NOTUM: variants seen among roughly 807,000 people sequenced by gnomAD.
NOTUM encodes palmitoleoyl-protein carboxylesterase NOTUM.
Under a neutral mutation model 65.5 loss-of-function variants are expected in NOTUM, and 36 were observed. That is an observed-to-expected ratio of 0.55 (90% CI 0.42 to 0.73). NOTUM has a LOEUF of 0.73. Ranked by LOEUF, NOTUM falls within the 30% of genes least tolerant of loss-of-function variation. The probability of loss-of-function intolerance (pLI) is 0.00; values close to 1 mark genes in which losing one functional copy is unlikely to be tolerated. For synonymous variants in NOTUM, 356 were observed against 297.9 expected (o/e 1.20, Z -2.01); for missense variants, 659 against 694.2 (o/e 0.95, Z 0.57).
Position 81,958,413 on chromosome 17 carries a change from G to A in NOTUM, c.534-20C>T, listed in dbSNP as rs1298766638. The A allele has an allele frequency of 1.9e-6, 3 of 1,592,768 alleles. No homozygotes were observed. The highest frequency in any genetic ancestry group is 2.6e-6 in the Non-Finnish European group (3 of 1,163,240). ...ATGAAGCTGCAACACAGAACAGAGT[G>A]AGCCTGTCACAGCGCCTGCCGCCCG... On this transcript the variant is annotated intron_variant, in intron 4 of 10. Transcript: ENST00000409678.
rs2041396971 is a variant in NOTUM, at chr17:81,952,811, G to A, written c.*150C>T. 3 of 679,692 alleles carry A rather than the reference G, an allele frequency of 4.4e-6. No individual in the cohort carries two copies. The highest frequency in any genetic ancestry group is 5.1e-5 in the East Asian group (2 of 39,134). 42.1% of individuals were successfully genotyped at this position (679,692 alleles called of 1,614,324 possible). ...GTGGGAGAGGGGCAGGGAAAGCCGG[G>A]GCAGGAGGGCAGTGGGCAGACCCAG... On this transcript the variant is annotated 3_prime_UTR_variant, in exon 11 of 11. Transcript: ENST00000409678.
intron 9 of NOTUM, among the ~76,000 whole-genome samples, chr17:81,954,678 G>A (rs2041414718): frequency 6.6e-6 from 1 of 152,156 alleles, no homozygotes; most frequent in Non-Finnish European, 1.5e-5. Context: ...GCCTCCCACA[G>A]GCAAGGTTAG....
At chr17:81,959,936 G>A (rs2041461621) in intron 1 of NOTUM, 2 of 178,144 alleles carry the variant, frequency 1.1e-5, no homozygotes, top group East Asian at 1.6e-4. Context: ...CGTTCCGCCC[G>A]GCGCGGGTCC....
chr17:81,953,997 C>G (rs906079103), intron 10 of NOTUM, among the ~76,000 whole-genome samples: 1 of 151,788 alleles, frequency 6.6e-6, no homozygotes, highest in African/African-American at 2.4e-5. Flanking sequence ...AGGCTGGTGT[C>G]GAACTCCTGA....
chr17:81,955,519 C>T lies in NOTUM; in HGVS notation c.1014G>A (p.Leu338=). 6.2e-7 allele frequency: 1 copy of T among 1,611,566 alleles called. No homozygotes were observed. Among genetic ancestry groups the T allele is most frequent in the Non-Finnish European group, 8.5e-7 (1 of 1,179,400 alleles). ...LRCPVFVVQW[L]FDEAQLTVDN... ...CCACCGTCAGCTGTGCCTCGTCAAACAGCCACTGCACCACGAACACAGGGC... is the reference window on the plus strand; with the variant it reads ...CCACCGTCAGCTGTGCCTCGTCAAATAGCCACTGCACCACGAACACAGGGC... Residue 338 remains leucine, a synonymous_variant, in exon 9 of 11, where the codon CTG becomes CTA. Coordinates refer to ENST00000409678, the MANE Select transcript of NOTUM (RefSeq NM_178493.6).
intron 3 of NOTUM, 49 bp from the exon 4 acceptor site, chr17:81,959,044 G>C: frequency 1.3e-6 from 2 of 1,542,620 alleles, no homozygotes; most frequent in Non-Finnish European, 1.8e-6. Flanking sequence ...AGGCTGTGTA[G>C]GGTCGGGTCT....
chr17:81,960,504 GA>G lies in NOTUM; in HGVS notation c.323+82del. 1 of 1,034,422 alleles carries G rather than the reference GA, an allele frequency of 9.7e-7. No homozygotes were observed. Among genetic ancestry groups the G allele is most frequent in the Admixed American group, 3.1e-5 (1 of 32,172 alleles). The allele number at this position is 1,034,422 out of a possible 1,614,324, so 64.1% of individuals were successfully genotyped here. On this transcript the variant is annotated intron_variant, in intron 1 of 10. Transcript: ENST00000409678. The surrounding 1 kb of genome is among the most constrained non-coding windows in gnomAD (Gnocchi z 6.4). ...CGGAAGCCCTTTCTCCCCGGGGAGA[GA>G]ACGGCCGCGGCCCGCAGGGAAGGTC... is the stretch of plus-strand genomic sequence containing the variant.
Position 81,960,915 on chromosome 17 carries a change from C to T in NOTUM, c.-6G>A, listed in dbSNP as rs2041471692. 1 of 1,241,300 alleles carries T rather than the reference C, an allele frequency of 8.1e-7. No individual in the cohort carries two copies. Among genetic ancestry groups the T allele is most frequent in the East Asian group, 3.2e-5 (1 of 31,040 alleles). 76.9% of individuals were successfully genotyped at this position (1,241,300 alleles called of 1,614,324 possible). On this transcript the variant is annotated 5_prime_UTR_variant, in exon 1 of 11. Transcript: ENST00000409678. This position sits in a 1 kb window ranked among gnomAD's most constrained non-coding sequence, Gnocchi z 6.4. Reference sequence around the variant, plus strand: ...ACGCGCACCCCTCGGCCCATGGCCGCGTCCACCTGCGGGGAGCGGGCGGCC... The same window carrying T: ...ACGCGCACCCCTCGGCCCATGGCCGTGTCCACCTGCGGGGAGCGGGCGGCC...
chr17:81,954,628 C>T (rs2041414418), intron 9 of NOTUM, among the ~76,000 whole-genome samples: 1 of 152,216 alleles, frequency 6.6e-6, no homozygotes, highest in Non-Finnish European at 1.5e-5. Flanking sequence ...CTGGCTCTAT[C>T]GCCCCAGCTG....
Position 81,957,066 on chromosome 17 carries a change from C to T in NOTUM, c.704G>A (p.Gly235Asp). The T allele has an allele frequency of 6.3e-7, 1 of 1,599,642 alleles. No homozygotes were observed. Among genetic ancestry groups the T allele is most frequent in the African/African-American group, 1.3e-5 (1 of 74,934 alleles). The change falls in exon 7 of 11, where the codon GGC (glycine) becomes GAC (aspartate). Residue 235 changes from glycine (G) to aspartate (D), a missense_variant. Gly to Asp is a moderately conservative substitution (Grantham distance 94). Coordinates refer to ENST00000409678, the MANE Select transcript of NOTUM (RefSeq NM_178493.6). The stretch of plus-strand genomic sequence containing the variant: ...GTCCACATTCAGGAGCACCCCGGTG[C>T]CCCCCGCGCTGCAAGGAGGGCCAGA... ...VLLLAGSSAG[G>D]TGVLLNVDRV...
chr17:81,955,739 C>T (rs1328007360), intron 8 of NOTUM, among the ~76,000 whole-genome samples, 195 bp from the exon 9 acceptor site: 2 of 123,906 alleles, frequency 1.6e-5, no homozygotes, highest in Non-Finnish European at 3.5e-5. Flanking sequence ...TGCCCCCCAC[C>T]CCAGGCTCAG....
intron 6 of NOTUM, among the ~76,000 whole-genome samples, 179 bp downstream of exon 6, chr17:81,957,627 G>A (rs944353820): frequency 6.6e-6 from 1 of 152,110 alleles, no homozygotes; most frequent in South Asian, 2.1e-4. Context: ...AGGCCTCAGA[G>A]ACGTCTCCAA....
intron 5 of NOTUM, 43 bp downstream of exon 5, chr17:81,958,292 C>A: frequency 7.2e-7 from 1 of 1,390,358 alleles, no homozygotes; most frequent in Non-Finnish European, 1.0e-6. Context: ...TGCCATCCGG[C>A]CCCGTCCCTG....
Position 81,960,517 on chromosome 17 carries a change from C to T in NOTUM, c.323+70G>A, listed in dbSNP as rs2041466534. 3.5e-6 allele frequency: 4 copies of T among 1,158,808 alleles called. No homozygotes were observed. The highest frequency in any genetic ancestry group is 4.7e-6 in the Non-Finnish European group (4 of 857,126). The allele number at this position is 1,158,808 out of a possible 1,614,324, so 71.8% of individuals were successfully genotyped here. On this transcript the variant is annotated intron_variant, in intron 1 of 10. Coordinates refer to ENST00000409678, the MANE Select transcript of NOTUM (RefSeq NM_178493.6). The surrounding 1 kb of genome is among the most constrained non-coding windows in gnomAD (Gnocchi z 6.4). ...TCCCCGGGGAGAGAACGGCCGCGGC[C>T]CGCAGGGAAGGTCCAGCCGGAGACC...
At position 81,960,266 on chromosome 17, in the gene NOTUM, G is replaced by A. The variant is rs909231914; in HGVS notation, c.323+321C>T. On this transcript the variant is annotated intron_variant, in intron 1 of 10. Coordinates refer to ENST00000409678, the MANE Select transcript of NOTUM (RefSeq NM_178493.6). This position sits in a 1 kb window ranked among gnomAD's most constrained non-coding sequence, Gnocchi z 6.4. ...GGCAGCGGGCCTCTCCCCGCCCCCC[G>A]GTGTCGCCGGTTCCCGCTGGAGCCA... Among the ~76,000 whole-genome samples, 22 of 152,338 alleles carry A rather than the reference G, an allele frequency of 1.4e-4. No homozygotes were observed. In the East Asian group the frequency reaches 2.1e-3, roughly 15 times the overall value.
chr17:81,955,302 T>G (rs2041422955), intron 9 of NOTUM, 95 bp downstream of exon 9: 2 of 1,170,704 alleles, frequency 1.7e-6, no homozygotes, highest in Non-Finnish European at 2.4e-6. Flanking sequence ...TATTTTTTTT[T>G]GTTCTGGTTT....
At chr17:81,959,043 A>C in intron 3 of NOTUM, 48 bp from the exon 4 acceptor site, 1 of 1,548,148 alleles carries the variant, frequency 6.5e-7, no homozygotes, top group South Asian at 1.1e-5. Context: ...GAGGCTGTGT[A>C]GGGTCGGGTC....
At position 81,959,468 on chromosome 17, in the gene NOTUM, G is replaced by A. The variant is rs367620932; in HGVS notation, c.472+3C>T. The A allele has an allele frequency of 1.6e-4, 249 of 1,545,194 alleles. No homozygotes were observed. In the African/African-American group the frequency reaches 3.1e-3, roughly 19 times the overall value. ...GACGCCTTCCCCAGGGCCCGCCGCT[G>A]ACCTGTGCGAGTGCGCGGCCAGTCC... On this transcript the variant is annotated splice_donor_region_variant and intron_variant, in intron 3 of 10. Transcript: ENST00000409678.
rs2041468529 is a variant in NOTUM, at chr17:81,960,707, G to A, written c.203C>T (p.Ala68Val). The change falls in exon 1 of 11, where the codon GCG becomes GTG. Residue 68 changes from alanine to valine, a missense_variant. Ala to Val is a moderately conservative substitution (Grantham distance 64). Coordinates refer to ENST00000409678, the MANE Select transcript of NOTUM (RefSeq NM_178493.6). This position sits in a 1 kb window ranked among gnomAD's most constrained non-coding sequence, Gnocchi z 6.4. ...AVEGNMDSFM[A>V]QVKSLAQSLY... ...GGACTGCGCCAGGCTCTTGACTTGC[G>A]CCATGAAGCTGTCCATGTTACCCTC... is the stretch of plus-strand genomic sequence containing the variant. 1 of 1,604,212 alleles carries A rather than the reference G, an allele frequency of 6.2e-7. No individual in the cohort carries two copies. The highest frequency in any genetic ancestry group is 8.5e-7 in the Non-Finnish European group (1 of 1,176,090).
Sources: allele counts gnomAD v4.1 joint callset (sites outside exome capture counted in the v4.1 genomes callset), GRCh38; gene constraint gnomAD v4.1.1; non-coding constraint Gnocchi (gnomAD v3.1); transcripts MANE v1.5; gene names NCBI Gene and HGNC (gene_info 2026-07-23, HGNC 2026-07-21).